TDRP: variants seen among roughly 807,000 people sequenced by gnomAD.
TDRP encodes testis development-related protein.
In TDRP, 12 loss-of-function variants were observed where a neutral mutation model predicts 10.5. The ratio of observed to expected loss-of-function variants is 1.15; its 90% confidence interval spans 0.73 to 1.86. The LOEUF is 1.86. Ranked by LOEUF, TDRP falls within the 40% of genes most tolerant of loss-of-function variation. The pLI is 0.00. For missense variants in TDRP, 353 were observed against 229.2 expected (o/e 1.54, Z -3.49); for synonymous variants, 139 against 95.4 (o/e 1.46, Z -2.67).
chr8:524,862 G>C (rs533381140), intron 1 of TDRP, among the ~76,000 whole-genome samples: 9 of 152,126 alleles, frequency 5.9e-5, no homozygotes, highest in Non-Finnish European at 1.2e-4. Flanking sequence ...CCTTAAACAA[G>C]AAGTAGAGAA....
chr8:541,330 A>G (rs1802490911), intron 1 of TDRP, among the ~76,000 whole-genome samples: 1 of 152,226 alleles, frequency 6.6e-6, no homozygotes, highest in African/African-American at 2.4e-5. Flanking sequence ...CAACTAGCAC[A>G]TAACTGGGAA....
At chr8:492,767 G>A (rs757879879) in intron 2 of TDRP, 23 bp from the exon 3 acceptor site, 9 of 1,548,064 alleles carry the variant, frequency 5.8e-6, no homozygotes, top group Non-Finnish European at 7.0e-6. Flanking sequence ...AAAGAGTTAG[G>A]TGTTGGTGAC....
chr8:511,430 G>C (rs920837020), intron 1 of TDRP, among the ~76,000 whole-genome samples: 1 of 151,964 alleles, frequency 6.6e-6, no homozygotes, highest in Admixed American at 6.6e-5. Context: ...AACAATTAAA[G>C]ACTTACATGT....
At chr8:501,085 G>A (rs1025434203) in intron 1 of TDRP, among the ~76,000 whole-genome samples, 5 of 151,984 alleles carry the variant, frequency 3.3e-5, no homozygotes, top group East Asian at 2.0e-4. Flanking sequence ...GGCGCCTGTA[G>A]TCCCAGCTAC....
intron 1 of TDRP, among the ~76,000 whole-genome samples, chr8:519,891 C>T (rs1360846260): frequency 1.3e-5 from 2 of 152,142 alleles, no homozygotes; most frequent in African/African-American, 4.8e-5. Context: ...GTGTCTGATC[C>T]GAATCAGCAT....
At chr8:502,096 T>C (rs1801320689) in intron 1 of TDRP, among the ~76,000 whole-genome samples, 1 of 152,164 alleles carries the variant, frequency 6.6e-6, no homozygotes, top group Non-Finnish European at 1.5e-5. Context: ...CTGAATACTG[T>C]GAAAATGCTG....
chr8:523,671 G>A (rs1213324474), intron 1 of TDRP, among the ~76,000 whole-genome samples: 1 of 152,166 alleles, frequency 6.6e-6, no homozygotes, highest in African/African-American at 2.4e-5. Flanking sequence ...TACTCTCCGA[G>A]GGCCTGGGGC....
intron 2 of TDRP, 84 bp downstream of exon 2, chr8:494,410 A>T: frequency 7.4e-7 from 1 of 1,355,648 alleles, no homozygotes. Flanking sequence ...CACTGCATTT[A>T]TGCCATCAAA....
intron 1 of TDRP, among the ~76,000 whole-genome samples, chr8:500,233 A>C (rs948855756): frequency 1.3e-5 from 2 of 152,362 alleles, no homozygotes; most frequent in South Asian, 4.1e-4. Context: ...TTCATGAAGA[A>C]AATCTATGCA....
chr8:528,874 T>G lies in TDRP; in HGVS notation c.108+15776A>C, dbSNP rs538552099. ...GTGTGTGTGTGTGTAAAGGGGAATT[T>G]ATTAAGTAGTATTAACTCACACAAT... On this transcript the variant is annotated intron_variant, in intron 1 of 2. Transcript: ENST00000324079. Among the ~76,000 whole-genome samples, 9 of 151,796 alleles carry G rather than the reference T, an allele frequency of 5.9e-5. 1 individual carries two copies. The South Asian group carries it at 1.9e-3, about 32-fold the overall frequency.
intron 1 of TDRP, among the ~76,000 whole-genome samples, chr8:520,177 A>C (rs1438572878): frequency 6.6e-6 from 1 of 152,252 alleles, no homozygotes; most frequent in Non-Finnish European, 1.5e-5. Flanking sequence ...ACTACTTTCA[A>C]TACCTCATGT....
chr8:508,960 G>T (rs1191840641), intron 1 of TDRP, among the ~76,000 whole-genome samples: 1 of 152,134 alleles, frequency 6.6e-6, no homozygotes, highest in Non-Finnish European at 1.5e-5. Context: ...AAAACAAAGG[G>T]GCTACAGGCC....
Position 490,425 on chromosome 8 carries a change from G to C in TDRP, c.*1974C>G, listed in dbSNP as rs1478320932. On this transcript the variant is annotated 3_prime_UTR_variant, in exon 3 of 3. Transcript: ENST00000324079. Reference sequence around the variant, plus strand: ...GATTGACGTGAGTTGCAGGCACTTAGCGTTCCAACAGAGGCACGGCAACTG... The same window carrying C: ...GATTGACGTGAGTTGCAGGCACTTACCGTTCCAACAGAGGCACGGCAACTG... The C allele has an allele frequency of 6.6e-6, 1 of 152,184 alleles. No individual in the cohort carries two copies. Among genetic ancestry groups the C allele is most frequent in the East Asian group, 1.9e-4 (1 of 5,192 alleles). The allele number at this position is 152,184 out of a possible 1,614,324, so 9.4% of individuals were successfully genotyped here.
chr8:522,435 C>A (rs961654470), intron 1 of TDRP, among the ~76,000 whole-genome samples: 1 of 152,174 alleles, frequency 6.6e-6, no homozygotes, highest in African/African-American at 2.4e-5. Context: ...ACTCATCTCT[C>A]CCTTTGCCAT....
intron 1 of TDRP, among the ~76,000 whole-genome samples, chr8:537,245 T>C (rs190598345): frequency 3.9e-5 from 6 of 152,166 alleles, no homozygotes; most frequent in East Asian, 3.9e-4. Flanking sequence ...CAGCCTAGGA[T>C]GAAATGGTCC....
chr8:511,535 C>T (rs951068079), intron 1 of TDRP, among the ~76,000 whole-genome samples: 12 of 152,198 alleles, frequency 7.9e-5, no homozygotes, highest in Admixed American at 6.5e-4. Flanking sequence ...TTTCACCATG[C>T]CACTTTCAAT....
At chr8:535,533 G>C (rs752530698) in intron 1 of TDRP, among the ~76,000 whole-genome samples, 3 of 152,146 alleles carry the variant, frequency 2.0e-5, no homozygotes, top group African/African-American at 7.2e-5. Context: ...TGAAATAACA[G>C]GTAAAATCCT....
Position 492,353 on chromosome 8 carries a change from T to C in TDRP, c.*46A>G. ...AAGACTCAACAACTACATGGTATACTCATAAAAGGCCACCATGTCGGGGCA... is the reference window on the plus strand; with the variant it reads ...AAGACTCAACAACTACATGGTATACCCATAAAAGGCCACCATGTCGGGGCA... On this transcript the variant is annotated 3_prime_UTR_variant, in exon 3 of 3. Coordinates refer to ENST00000324079, the MANE Select transcript of TDRP (RefSeq NM_001384899.1). 1 of 1,446,980 alleles carries C rather than the reference T, an allele frequency of 6.9e-7. No individual in the cohort carries two copies. The highest frequency in any genetic ancestry group is 9.1e-7 in the Non-Finnish European group (1 of 1,096,832). The allele number at this position is 1,446,980 out of a possible 1,614,324, so 89.6% of individuals were successfully genotyped here.
intron 1 of TDRP, among the ~76,000 whole-genome samples, chr8:542,428 G>A (rs1329782628): frequency 6.6e-6 from 1 of 152,032 alleles, no homozygotes; most frequent in Non-Finnish European, 1.5e-5. Flanking sequence ...ACCATTCTGT[G>A]GGGGTGATGA....
Sources: allele counts gnomAD v4.1 joint callset (sites outside exome capture counted in the v4.1 genomes callset), GRCh38; gene constraint gnomAD v4.1.1; transcripts MANE v1.5; gene names NCBI Gene and HGNC (gene_info 2026-07-23, HGNC 2026-07-21).